Variants in PRH1 observed in about 807,000 individuals in gnomAD.
PRH1 encodes salivary acidic proline-rich phosphoprotein 1/2.
PRH1 carries 7 observed loss-of-function variants against 7.9 expected under a neutral mutation model. The ratio of observed to expected loss-of-function variants is 0.89; its 90% CI spans 0.50 to 1.67. The LOEUF (loss-of-function observed/expected upper bound fraction) is 1.67, where lower values mean the gene tolerates loss of function less well. Ranked by LOEUF, PRH1 falls within the 40% of genes most tolerant of loss-of-function variation. The probability of loss-of-function intolerance (pLI) is 0.00; values close to 1 mark genes in which losing one functional copy is unlikely to be tolerated. For missense variants in PRH1, 109 were observed against 223.6 expected (o/e 0.49, Z 3.27); for synonymous variants, 45 against 80.8 (o/e 0.56, Z 2.38).
chr12:10,897,428 G>T (rs1949663542), intron 2 of PRH1, among the ~76,000 whole-genome samples: 1 of 152,126 alleles, frequency 6.6e-6, no homozygotes, highest in East Asian at 1.9e-4. Context: ...CTGGCTAAAG[G>T]CTTAGACATT....
intron 1 of PRH1, among the ~76,000 whole-genome samples, chr12:11,028,268 T>G (rs1009412598): frequency 6.6e-6 from 1 of 152,230 alleles, no homozygotes; most frequent in African/African-American, 2.4e-5. Flanking sequence ...TAATGACAGA[T>G]GAGCAGATAC....
intron 2 of PRH1, among the ~76,000 whole-genome samples, chr12:10,898,104 C>T (rs1949674596): frequency 6.6e-6 from 1 of 152,122 alleles, no homozygotes; most frequent in African/African-American, 2.4e-5. Flanking sequence ...GTAAGGGGAA[C>T]TTGTATAAAT....
At chr12:11,051,305 A>G (rs1254175343), upstream of PRH1, among the ~76,000 whole-genome samples, 1 of 152,216 alleles carries the variant, frequency 6.6e-6, no homozygotes, top group African/African-American at 2.4e-5. Flanking sequence ...AGTCACAACT[A>G]AAATCAAAAA....
At chr12:10,961,985 C>T (rs1267785806) in intron 2 of PRH1, among the ~76,000 whole-genome samples, 1 of 152,212 alleles carries the variant, frequency 6.6e-6, no homozygotes, top group African/African-American at 2.4e-5. Context: ...CCAACACGTT[C>T]TTTCACATCT....
intron 1 of PRH1, among the ~76,000 whole-genome samples, chr12:11,122,564 T>C (rs1293579544): frequency 1.3e-5 from 2 of 152,286 alleles, no homozygotes; most frequent in East Asian, 1.9e-4. Context: ...AGTTTTGTCA[T>C]ATGAAGTCAA....
chr12:11,131,570 G>GA (rs1378074053), intron 1 of PRH1, among the ~76,000 whole-genome samples: 1 of 88,848 alleles, frequency 1.1e-5, no homozygotes, highest in African/African-American at 3.3e-5. Flanking sequence ...ATTCACAATA[G>GA]AAAAAAATAC....
intron 1 of PRH1, chr12:11,030,707 T>C (rs1433416981): frequency 6.2e-7 from 1 of 1,614,210 alleles, no homozygotes; most frequent in South Asian, 1.1e-5. Flanking sequence ...ACCATGGAGC[T>C]GCATCTTCTT....
intron 1 of PRH1, chr12:11,092,047 T>C (rs201583586): frequency 0.48 from 457,738 of 962,846 alleles, 127,241 homozygotes; most frequent in Non-Finnish European, 0.5. Context: ...TTAATAATAA[T>C]ACCCAGAGCA....
intron 2 of PRH1, chr12:10,939,018 C>T (rs774929411): frequency 8.1e-6 from 13 of 1,613,408 alleles, no homozygotes; most frequent in African/African-American, 1.3e-5. Context: ...CACCAGCTTC[C>T]GAATATTAAC....
intron 1 of PRH1, among the ~76,000 whole-genome samples, chr12:11,124,453 T>C: frequency 6.6e-6 from 1 of 152,270 alleles, no homozygotes; most frequent in Non-Finnish European, 1.5e-5. Context: ...GCAATTTTAT[T>C]TATACTAAAA....
rs542557800 is a variant in PRH1 at position 11,031,299 on chromosome 12, C to T, written c.-126+15721G>A. 7.1e-5 allele frequency: 115 copies of T among 1,613,196 alleles called. No homozygotes were observed. The Middle Eastern group carries it at 1.8e-3, about 25-fold the overall frequency. ...TTTCCAATAACAAATAGAACCACTA[C>T]CACACTGGAAAAAATGATGGGTATA... On this transcript the variant is annotated intron_variant, in intron 1 of 3. Transcript: ENST00000539853.
At chr12:11,030,765 T>G (rs754703961) in intron 1 of PRH1, 38 of 1,614,098 alleles carry the variant, frequency 2.4e-5, no homozygotes, top group Non-Finnish European at 3.1e-5. Flanking sequence ...CATAGCAGGG[T>G]CAGAGTGAAG....
At position 11,030,865 on chromosome 12, in the gene PRH1, T is replaced by C. The variant is rs754201403; in HGVS notation, c.-126+16155A>G. On this transcript the variant is annotated intron_variant, in intron 1 of 3. Coordinates refer to the PRH1 transcript ENST00000539853. ...TCTTCCAAGTCAAGTTTCCTTCATA[T>C]TCTTTTGTCCGTACAATCTCTTTCA... The C allele has an allele frequency of 3.1e-6, 5 of 1,614,060 alleles. No individual in the cohort carries two copies. The Admixed American group carries it at 8.3e-5, about 27-fold the overall frequency.
At chr12:11,167,302 G>A (rs935129876) in intron 1 of PRH1, among the ~76,000 whole-genome samples, 2 of 152,084 alleles carry the variant, frequency 1.3e-5, no homozygotes, top group African/African-American at 4.8e-5. Context: ...ATTCTAAACT[G>A]TCACATTAAA....
intron 2 of PRH1, among the ~76,000 whole-genome samples, chr12:10,901,197 C>A (rs900577646): frequency 4.6e-5 from 7 of 152,160 alleles, no homozygotes; most frequent in Admixed American, 1.3e-4. Context: ...ATTAAGAGCA[C>A]CTGCCTGCCT....
At chr12:10,930,288 T>C in intron 2 of PRH1, 1 of 1,613,434 alleles carries the variant, frequency 6.2e-7, no homozygotes, top group Non-Finnish European at 8.5e-7. Context: ...AAGAAGACGT[T>C]CCCTTGGTAA....
chr12:11,133,954 C>G lies in PRH1; in HGVS notation n.40-12774G>C, dbSNP rs1476394075. On this transcript the variant is annotated intron_variant and non_coding_transcript_variant, in intron 1 of 1. Transcript: ENST00000541175. ...AAAACATGCTGAGGCTAGTAGCAAGCCAGCTGCTGAAATGGTTGGTTACTG... is the reference window on the plus strand; with the variant it reads ...AAAACATGCTGAGGCTAGTAGCAAGGCAGCTGCTGAAATGGTTGGTTACTG... The G allele has an allele frequency of 3.1e-6, 5 of 1,613,962 alleles. No individual in the cohort carries two copies. The South Asian group carries it at 5.5e-5, about 18-fold the overall frequency.
At chr12:10,942,570 T>G (rs1000962345) in intron 2 of PRH1, among the ~76,000 whole-genome samples, 3 of 152,146 alleles carry the variant, frequency 2.0e-5, no homozygotes, top group Non-Finnish European at 2.9e-5. Flanking sequence ...GCCTCCCCAA[T>G]GGCACCCTGT....
intron 1 of PRH1, among the ~76,000 whole-genome samples, chr12:11,111,308 G>C (rs1945584263): frequency 6.6e-6 from 1 of 152,168 alleles, no homozygotes; most frequent in East Asian, 1.9e-4. Context: ...TGACCTAATA[G>C]ACATCTACAG....
Sources: gnomAD v4.1 joint callset for allele counts (sites outside exome capture counted in the v4.1 genomes callset) on GRCh38, gnomAD v4.1.1 for gene constraint, MANE v1.5 for transcripts, NCBI Gene and HGNC (gene_info 2026-07-23, HGNC 2026-07-21) for gene names.